Variants in NDUFAF6 observed in about 807,000 individuals in gnomAD.
NDUFAF6 encodes NADH dehydrogenase (ubiquinone) complex I, assembly factor 6.
A neutral mutation model predicts 40.8 loss-of-function variants in NDUFAF6; 45 were observed. The ratio of observed to expected loss-of-function variants is 1.10; its 90% confidence interval spans 0.87 to 1.42. The LOEUF (loss-of-function observed/expected upper bound fraction) is 1.42, where lower values mean the gene tolerates loss of function less well. Among genes scored for constraint, NDUFAF6 ranks in the 40% most tolerant of loss-of-function variants. The pLI, the probability that NDUFAF6 is intolerant of heterozygous loss-of-function variation, is 0.00. For synonymous variants in NDUFAF6, 185 were observed against 155.9 expected (o/e 1.19, Z -1.39); for missense variants, 435 against 418.5 (o/e 1.04, Z -0.34).
intron 1 of NDUFAF6, among the ~76,000 whole-genome samples, chr8:94,934,927 A>G (rs2131336527): frequency 6.6e-6 from 1 of 152,304 alleles, no homozygotes; most frequent in East Asian, 1.9e-4. Context: ...GGCATCATGT[A>G]ACATAAGAAA....
chr8:94,922,828 G>C (rs1819597581), intron 1 of NDUFAF6, among the ~76,000 whole-genome samples: 1 of 152,158 alleles, frequency 6.6e-6, no homozygotes, highest in Admixed American at 6.5e-5. Context: ...GCATTTTAAA[G>C]TTTGATAAGC....
intron 1 of NDUFAF6, among the ~76,000 whole-genome samples, chr8:94,896,139 C>A (rs1430134074): frequency 6.6e-6 from 1 of 152,110 alleles, no homozygotes; most frequent in African/African-American, 2.4e-5. Flanking sequence ...GAGGGTAAAA[C>A]CCCTCTCCGG....
intron 1 of NDUFAF6, among the ~76,000 whole-genome samples, chr8:94,898,594 G>A (rs1036720950): frequency 2.6e-5 from 4 of 152,254 alleles, no homozygotes; most frequent in Non-Finnish European, 1.5e-5. Context: ...CTGAGGTAAT[G>A]TTTGTCAGGT....
In NDUFAF6 at chr8:95,053,952, T is replaced by TTTTG. The variant is rs1554681590; in HGVS notation, c.873+1722_873+1723insTTTG. On this transcript the variant is annotated intron_variant, in intron 8 of 8. Coordinates refer to ENST00000396124, the MANE Select transcript of NDUFAF6 (RefSeq NM_152416.4). ...TTTTTTTTTTTTTTTTTTTTTTTTTTGAGACAAAATCTCACTCTGTTGCCC... is the reference window on the plus strand; with the variant it reads ...TTTTTTTTTTTTTTTTTTTTTTTTTTTTTGGAGACAAAATCTCACTCTGTTGCCC... 1.3e-3 allele frequency among the ~76,000 whole-genome samples: 178 copies of TTTTG among 136,996 alleles called. 3 individuals are homozygous for TTTTG. Among genetic ancestry groups the TTTTG allele is most frequent in the African/African-American group, 4.5e-3 (153 of 33,736 alleles). The allele number at this position is 136,996 out of a possible 152,430, so 89.9% of individuals were successfully genotyped here.
chr8:95,114,163 A>AAAACAAAC (rs112225601), intron 4 of NDUFAF6, among the ~76,000 whole-genome samples: 124,422 of 151,450 alleles, frequency 0.82, 51,747 homozygotes, highest in East Asian at 1. Context: ...TAATAATAAT[A>AAAACAAAC]AAACAAACAA....
intron 1 of NDUFAF6, among the ~76,000 whole-genome samples, chr8:94,938,289 G>A (rs939504546): frequency 2.6e-5 from 4 of 152,206 alleles, no homozygotes; most frequent in Non-Finnish European, 5.9e-5. Flanking sequence ...ATGGGATTCT[G>A]GTGTTGTGCC....
At chr8:95,028,115 C>T (rs1047622819) in intron 1 of NDUFAF6, among the ~76,000 whole-genome samples, 5 of 152,208 alleles carry the variant, frequency 3.3e-5, no homozygotes, top group African/African-American at 1.2e-4. Flanking sequence ...GTCCATGGTA[C>T]TAACACACAA....
intron 2 of NDUFAF6, chr8:94,984,021 C>T (rs562780093): frequency 6.6e-6 from 1 of 152,356 alleles, no homozygotes; most frequent in African/African-American, 2.4e-5. Flanking sequence ...CCTATGGCCT[C>T]ACCTTTCTTA....
At chr8:94,986,302 A>C (rs993844659) in intron 2 of NDUFAF6, among the ~76,000 whole-genome samples, 1 of 152,150 alleles carries the variant, frequency 6.6e-6, no homozygotes, top group Non-Finnish European at 1.5e-5. Context: ...GATAAAAACA[A>C]CTCTACTAAT....
chr8:95,032,134 GT>G, intron 2 of NDUFAF6, 40 bp downstream of exon 2: 1 of 1,498,020 alleles, frequency 6.7e-7, no homozygotes, highest in Non-Finnish European at 9.3e-7. Flanking sequence ...TTGCGAAATG[GT>G]GATATAAGGT....
At chr8:94,945,110 GTTAAAC>G (rs1007408301) in intron 1 of NDUFAF6, among the ~76,000 whole-genome samples, 4 of 152,292 alleles carry the variant, frequency 2.6e-5, no homozygotes, top group South Asian at 2.1e-4. Flanking sequence ...GTTTAATCCA[GTTAAAC>G]TTAAAAGCTG....
chr8:95,115,520 T>C (rs1392427519), intron 4 of NDUFAF6: 1 of 121,894 alleles, frequency 8.2e-6, no homozygotes, highest in African/African-American at 3.4e-5. Flanking sequence ...ATTTCCCTTC[T>C]TTTTTTTTTT....
upstream of NDUFAF6, among the ~76,000 whole-genome samples, chr8:95,022,698 G>T (rs998171008): frequency 6.6e-6 from 1 of 151,884 alleles, no homozygotes; most frequent in Admixed American, 6.6e-5. Flanking sequence ...AAATGGGGAA[G>T]GCCTTTTTAA....
chr8:94,971,581 G>A lies in NDUFAF6; in HGVS notation c.-198-9278G>A, dbSNP rs955047315. On this transcript the variant is annotated intron_variant, in intron 1 of 9. Coordinates refer to the NDUFAF6 transcript ENST00000396111. ...GCCTCTATTTTCAGGTTTCTCACAG[G>A]TGGAGATGACAGAATGACACCTCGT... Among the ~76,000 whole-genome samples the A allele has an allele frequency of 7.9e-5, 12 of 152,310 alleles. No individual in the cohort carries two copies. In the East Asian group the frequency reaches 1.9e-3, roughly 24 times the overall value.
chr8:95,108,583 G>A (rs1809908181), intron 4 of NDUFAF6, among the ~76,000 whole-genome samples: 1 of 152,166 alleles, frequency 6.6e-6, no homozygotes, highest in Non-Finnish European at 1.5e-5. Context: ...ATTGTTTAAT[G>A]GGTAGAAAGT....
intron 1 of NDUFAF6, among the ~76,000 whole-genome samples, chr8:94,962,158 T>C (rs1823630663): frequency 6.6e-6 from 1 of 152,340 alleles, no homozygotes; most frequent in South Asian, 2.1e-4. Context: ...TCACCCTTTC[T>C]ACTTCTTCCT....
At chr8:95,089,645 C>A (rs1042408799) in intron 2 of NDUFAF6, among the ~76,000 whole-genome samples, 10 of 152,062 alleles carry the variant, frequency 6.6e-5, no homozygotes, top group African/African-American at 2.4e-4. Flanking sequence ...TGAAACCCTC[C>A]GTAACACAGA....
chr8:95,102,366 A>C (rs1274257014), intron 2 of NDUFAF6, among the ~76,000 whole-genome samples: 2 of 152,150 alleles, frequency 1.3e-5, no homozygotes, highest in Non-Finnish European at 2.9e-5. Flanking sequence ...AAATAAAGAG[A>C]ATTTGAAAGA....
At chr8:95,065,791 C>G (rs747280401) in intron 9 of NDUFAF6, among the ~76,000 whole-genome samples, 1 of 152,174 alleles carries the variant, frequency 6.6e-6, no homozygotes, top group Non-Finnish European at 1.5e-5. Flanking sequence ...TTATATACTT[C>G]TGTCACTTCT....
Sources: gnomAD v4.1 joint callset for allele counts (sites outside exome capture counted in the v4.1 genomes callset) on GRCh38, gnomAD v4.1.1 for gene constraint, MANE v1.5 for transcripts, NCBI Gene and HGNC (gene_info 2026-07-23, HGNC 2026-07-21) for gene names.